GPM6A: variants seen among roughly 807,000 people sequenced by gnomAD.
GPM6A encodes the protein neuronal membrane glycoprotein M6-a.
In GPM6A, 7 loss-of-function variants were observed where a neutral mutation model predicts 32.1. The observed-to-expected ratio is 0.22, with a 90% confidence interval of 0.12 to 0.41. The LOEUF (loss-of-function observed/expected upper bound fraction) is 0.41. Among genes scored for constraint, GPM6A ranks in the 10% least tolerant of loss-of-function variants. The pLI is 1.00. For missense variants in GPM6A, 235 were observed against 347.2 expected, an observed-to-expected ratio of 0.68 and a Z score of 2.57; for synonymous variants, 130 against 123.4, an observed-to-expected ratio of 1.05 and a Z score of -0.35.
intron 1 of GPM6A, among the ~76,000 whole-genome samples, chr4:175,743,729 G>A (rs1212304166): frequency 6.6e-6 from 1 of 151,944 alleles, no homozygotes; most frequent in African/African-American, 2.4e-5. Flanking sequence ...AAAATTCTGT[G>A]AGTATTCTGA....
At chr4:175,931,709 C>CACATATATATATAT (rs1324269132) in intron 1 of GPM6A, among the ~76,000 whole-genome samples, 3 of 129,298 alleles carry the variant, frequency 2.3e-5, no homozygotes, top group African/African-American at 8.6e-5. Context: ...CACACACACA[C>CACATATATATATAT]ATATATATAT....
chr4:175,734,888 A>G (rs1731596580), intron 1 of GPM6A, among the ~76,000 whole-genome samples: 1 of 152,044 alleles, frequency 6.6e-6, no homozygotes, highest in African/African-American at 2.4e-5. Context: ...TTACTTTACC[A>G]ACCTTATTCC....
chr4:175,753,762 A>G (rs1421750870), intron 1 of GPM6A, among the ~76,000 whole-genome samples: 1 of 152,160 alleles, frequency 6.6e-6, no homozygotes, highest in Non-Finnish European at 1.5e-5. Flanking sequence ...ATTTTTCTAG[A>G]AATCCTATTT....
chr4:175,932,260 G>A (rs1292490415), intron 1 of GPM6A, among the ~76,000 whole-genome samples: 1 of 152,118 alleles, frequency 6.6e-6, no homozygotes, highest in Non-Finnish European at 1.5e-5. Context: ...TAAACCCTGA[G>A]GGCTCTTCCA....
chr4:175,750,222 C>G (rs577056905), intron 1 of GPM6A, among the ~76,000 whole-genome samples: 12 of 152,042 alleles, frequency 7.9e-5, no homozygotes, highest in African/African-American at 2.7e-4. Flanking sequence ...CCACACCCTG[C>G]TAATTTTGTA....
intron 1 of GPM6A, among the ~76,000 whole-genome samples, chr4:175,971,303 G>A (rs1297896116): frequency 2.7e-5 from 4 of 150,582 alleles, no homozygotes; most frequent in Non-Finnish European, 1.5e-5. Context: ...AAAAGGACCC[G>A]GTACCTGCCT....
intron 1 of GPM6A, among the ~76,000 whole-genome samples, chr4:175,954,137 G>T (rs1427168491): frequency 6.6e-6 from 1 of 152,130 alleles, no homozygotes; most frequent in African/African-American, 2.4e-5. Flanking sequence ...TGTCTGAGAA[G>T]GTAGACACTA....
intron 1 of GPM6A, among the ~76,000 whole-genome samples, chr4:175,846,471 C>T (rs1041619597): frequency 4.6e-5 from 7 of 151,962 alleles, no homozygotes; most frequent in African/African-American, 7.2e-5. Context: ...CTTTGTAACC[C>T]GAAGCCAATA....
At chr4:175,849,774 T>C (rs954745963) in intron 1 of GPM6A, among the ~76,000 whole-genome samples, 4 of 152,162 alleles carry the variant, frequency 2.6e-5, no homozygotes, top group East Asian at 1.9e-4. Flanking sequence ...CAGAAATATT[T>C]ATAGTAAAAC....
intron 1 of GPM6A, among the ~76,000 whole-genome samples, chr4:175,821,992 A>G (rs1321359046): frequency 3.3e-5 from 5 of 152,134 alleles, no homozygotes; most frequent in Non-Finnish European, 7.4e-5. Context: ...ATTTTAAAAG[A>G]AATGATTCTA....
At chr4:176,001,323 C>T (rs533272496) in intron 1 of GPM6A, among the ~76,000 whole-genome samples, 1 of 152,270 alleles carries the variant, frequency 6.6e-6, no homozygotes, top group South Asian at 2.1e-4. Flanking sequence ...AAGAGTAACT[C>T]GGGCTGCGGG....
intron 1 of GPM6A, among the ~76,000 whole-genome samples, chr4:175,931,120 G>A (rs920798583): frequency 7.2e-5 from 11 of 152,040 alleles, no homozygotes; most frequent in Admixed American, 6.5e-4. Context: ...TATTAACTGG[G>A]AACTGAGATT....
At chr4:175,667,819 A>T (rs1339760626) in intron 3 of GPM6A, among the ~76,000 whole-genome samples, 1 of 152,100 alleles carries the variant, frequency 6.6e-6, no homozygotes, top group East Asian at 1.9e-4. Context: ...ATTTTTTTTA[A>T]GTTTTGGCCA....
At chr4:175,888,210 T>C (rs1737522919) in intron 1 of GPM6A, among the ~76,000 whole-genome samples, 1 of 151,958 alleles carries the variant, frequency 6.6e-6, no homozygotes. Context: ...AAGACAAAAA[T>C]TTATTGAACA....
chr4:175,973,877 C>T (rs1045926820), intron 1 of GPM6A, among the ~76,000 whole-genome samples: 1 of 152,016 alleles, frequency 6.6e-6, no homozygotes, highest in Admixed American at 6.6e-5. Context: ...TTTTTTTTCA[C>T]CAGCTTTTAT....
chr4:175,957,034 G>A (rs114846247), intron 1 of GPM6A, among the ~76,000 whole-genome samples: 159 of 152,196 alleles, frequency 1.0e-3, no homozygotes, highest in African/African-American at 3.7e-3. Flanking sequence ...TCATATAAGC[G>A]TAGGGAAAAA....
intron 1 of GPM6A, among the ~76,000 whole-genome samples, chr4:175,774,189 A>G (rs984830490): frequency 6.6e-5 from 10 of 152,116 alleles, no homozygotes; most frequent in Non-Finnish European, 1.3e-4. Flanking sequence ...TATCAAGTCC[A>G]GTGATACTTT....
intron 3 of GPM6A, among the ~76,000 whole-genome samples, chr4:175,654,892 T>C (rs995582430): frequency 1.3e-5 from 2 of 152,132 alleles, no homozygotes; most frequent in African/African-American, 2.4e-5. Flanking sequence ...GTAATCAGCA[T>C]CCTTTTGGTT....
At chr4:175,862,658 T>C (rs1327703959) in intron 1 of GPM6A, among the ~76,000 whole-genome samples, 1 of 152,170 alleles carries the variant, frequency 6.6e-6, no homozygotes, top group East Asian at 1.9e-4. Flanking sequence ...TGTTCAGCTT[T>C]AGTAACCAAT....
Sources: gnomAD v4.1 joint callset for allele counts (sites outside exome capture counted in the v4.1 genomes callset) on GRCh38, gnomAD v4.1.1 for gene constraint, MANE v1.5 for transcripts, NCBI Gene and HGNC (gene_info 2026-07-23, HGNC 2026-07-21) for gene names.